Variants in NPHP3 observed in about 807,000 individuals in gnomAD.
The protein encoded by NPHP3 is nephrocystin 3.
A neutral mutation model predicts 171.9 loss-of-function variants in NPHP3; 123 were observed. The ratio of observed to expected loss-of-function variants is 0.72; its 90% CI spans 0.62 to 0.83. The LOEUF is 0.83. Among genes scored for constraint, NPHP3 ranks in the 40% least tolerant of loss-of-function variants. The pLI, the probability that NPHP3 is intolerant of heterozygous loss-of-function variation, is 0.00. For synonymous variants in NPHP3, 558 were observed against 579.2 expected (o/e 0.96, Z 0.52); for missense variants, 1,506 against 1,591.9 (o/e 0.95, Z 0.92).
chr3:132,701,970 G>A (rs572526045), intron 9 of NPHP3, among the ~76,000 whole-genome samples: 1 of 152,286 alleles, frequency 6.6e-6, no homozygotes, highest in East Asian at 1.9e-4. Flanking sequence ...AGCTTGCAGT[G>A]AGCCGAGACA....
chr3:132,680,970 A>G lies in NPHP3; in HGVS notation c.*940T>C, dbSNP rs1237052745. On this transcript the variant is annotated 3_prime_UTR_variant, in exon 27 of 27. Transcript: ENST00000337331. ...TAATGACTTCAGACATTATGCAGAT[A>G]CATATACTATATAGTAATAAATAAT... 1.3e-5 allele frequency: 2 copies of G among 152,218 alleles called. No homozygotes were observed. Among genetic ancestry groups the G allele is most frequent in the Non-Finnish European group, 2.9e-5 (2 of 68,030 alleles). The allele number at this position is 152,218 out of a possible 1,614,324, so 9.4% of individuals were successfully genotyped here. A position where few individuals can be genotyped will look rare whatever the true frequency, so the allele number is the denominator to read the frequency against.
intron 5 of NPHP3, 82 bp downstream of exon 5, chr3:132,715,003 G>GGTTA (rs1940011801): frequency 8.7e-7 from 1 of 1,153,336 alleles, no homozygotes; most frequent in African/African-American, 1.6e-5. Flanking sequence ...CTATTTGGTT[G>GGTTA]AGATACAGTA....
intron 3 of NPHP3, 93 bp downstream of exon 3, chr3:132,718,901 T>C (rs1940128079): frequency 4.7e-6 from 6 of 1,275,532 alleles, no homozygotes; most frequent in South Asian, 2.4e-5. Flanking sequence ...CTAATATAGA[T>C]AAGTAAAAGA....
intron 1 of NPHP3, 45 bp from the exon 2 acceptor site, chr3:132,719,875 T>A: frequency 1.5e-6 from 2 of 1,362,716 alleles, no homozygotes; most frequent in Non-Finnish European, 2.0e-6. Flanking sequence ...ATAGTCTTGC[T>A]CCTCAATTTT....
In NPHP3 at chr3:132,681,454, G is replaced by T; in HGVS notation, c.*456C>A. The T allele has an allele frequency of 5.5e-6, 1 of 180,716 alleles. No individual in the cohort carries two copies. The highest frequency in any genetic ancestry group is 1.1e-4 in the South Asian group (1 of 8,914). 11.2% of individuals were successfully genotyped at this position (180,716 alleles called of 1,614,324 possible). On this transcript the variant is annotated 3_prime_UTR_variant, in exon 27 of 27. Coordinates refer to ENST00000337331, the MANE Select transcript of NPHP3 (RefSeq NM_153240.5). ...AATTTTTTTTTGTATTTTTAGTAGA[G>T]ACAGGGTTTCACCATGTTGGCCAGG...
intron 19 of NPHP3, among the ~76,000 whole-genome samples, chr3:132,690,036 T>C (rs1202063496): frequency 6.6e-6 from 1 of 152,198 alleles, no homozygotes; most frequent in Admixed American, 6.5e-5. Context: ...ACTGACAAAC[T>C]ATAACATATC....
chr3:132,684,446 G>T, intron 24 of NPHP3, 108 bp downstream of exon 24: 1 of 1,067,180 alleles, frequency 9.4e-7, no homozygotes. Context: ...GATTTTTAAA[G>T]CTCATATAAA....
intron 22 of NPHP3, 126 bp downstream of exon 22, chr3:132,687,021 TTAAG>T: frequency 1.7e-6 from 1 of 598,078 alleles, no homozygotes; most frequent in Non-Finnish European, 3.0e-6. Context: ...TAAGAAAATG[TTAAG>T]TAGTTCTCTT....
intron 22 of NPHP3, 61 bp from the exon 23 acceptor site, chr3:132,686,448 A>G (rs768770659): frequency 1.7e-4 from 270 of 1,604,424 alleles, no homozygotes; most frequent in Non-Finnish European, 2.1e-4. Context: ...TGATTCTGAA[A>G]CAATATATGA....
At position 132,722,148 on chromosome 3, in the gene NPHP3, G is replaced by T. The variant is rs765533675; in HGVS notation, c.208C>A (p.Leu70Met). 3 of 1,589,786 alleles carry T rather than the reference G, an allele frequency of 1.9e-6. No homozygotes were observed. Residue 70 changes from leucine (L) to methionine (M), a missense_variant, in exon 1 of 27, where the codon CTG becomes ATG. This residue lies in a region of NPHP3 where 930 missense variants were observed against 924.9 expected (regional missense o/e 1.01). Coordinates refer to ENST00000337331, the MANE Select transcript of NPHP3 (RefSeq NM_153240.5). ...CCAGTGGACTTGAAGCTGGCCCCCA[G>T]CAGCCCGCCCGCGCCCACCCCGCGG... ...LPRGVGAGGL[L>M]GASFKSTGSS...
intron 19 of NPHP3, 72 bp from the exon 20 acceptor site, chr3:132,689,335 A>G: frequency 6.7e-7 from 1 of 1,487,790 alleles, no homozygotes; most frequent in Non-Finnish European, 9.4e-7. Context: ...AAACTCCAGA[A>G]TTAATATCAA....
chr3:132,714,895 T>C (rs1416424580), intron 5 of NPHP3, among the ~76,000 whole-genome samples, 190 bp downstream of exon 5: 1 of 152,204 alleles, frequency 6.6e-6, no homozygotes, highest in Non-Finnish European at 1.5e-5. Context: ...AAACTCTCAA[T>C]TCACCACCTT....
intron 10 of NPHP3, among the ~76,000 whole-genome samples, chr3:132,701,130 T>A (rs1279438021): frequency 2.0e-5 from 3 of 152,174 alleles, no homozygotes; most frequent in Non-Finnish European, 4.4e-5. Context: ...CTTAATAACA[T>A]GTGTTATATG....
chr3:132,696,861 C>G, intron 14 of NPHP3, 48 bp from the exon 15 acceptor site: 1 of 1,486,550 alleles, frequency 6.7e-7, no homozygotes, highest in South Asian at 1.1e-5. Flanking sequence ...AAAAACCACC[C>G]TGGAATTAAG....
At chr3:132,691,381 A>G in intron 17 of NPHP3, 95 bp from the exon 18 acceptor site, 1 of 839,400 alleles carries the variant, frequency 1.2e-6, no homozygotes, top group Non-Finnish European at 2.1e-6. Flanking sequence ...AATTATTCCT[A>G]TTTTATAGCT....
chr3:132,713,144 A>G lies in NPHP3; in HGVS notation c.1100T>C (p.Ile367Thr). The change falls in exon 6 of 27, where the codon ATT becomes ACT. Residue 367 changes from isoleucine to threonine, a missense_variant. Physicochemically the swap from Ile to Thr is moderately conservative, Grantham distance 89 (BLOSUM62 -1). Around this residue, in one of 3 missense-constraint regions of NPHP3, gnomAD observed 930 missense variants for 924.9 expected, o/e 1.01. Coordinates refer to ENST00000337331, the MANE Select transcript of NPHP3 (RefSeq NM_153240.5). ...AGCTTACCTTGGTAATGTTAAGTGA[A>G]TAAATAAAATAACTAAAGAACTTTT... ...IEKSSLVILF[I>T]HLTLPSLLLE... The G allele has an allele frequency of 6.8e-7, 1 of 1,469,948 alleles. No individual in the cohort carries two copies. The highest frequency in any genetic ancestry group is 2.3e-5 in the East Asian group (1 of 43,550). 91.1% of individuals were successfully genotyped at this position (1,469,948 alleles called of 1,614,324 possible).
At position 132,689,185 on chromosome 3, in the gene NPHP3, A is replaced by G; in HGVS notation, c.2772T>C (p.Asp924=). 6.2e-7 allele frequency: 1 copy of G among 1,614,154 alleles called. No homozygotes were observed. The highest frequency in any genetic ancestry group is 8.5e-7 in the Non-Finnish European group (1 of 1,179,998). ...DKSAMATEYF[D]SLKQYEKNCE... Reference sequence around the variant, plus strand: ...AGTTTTTCTCATACTGCTTCAATGAATCGAAGTATTCTGTTGCCATTGCAC... The same window carrying G: ...AGTTTTTCTCATACTGCTTCAATGAGTCGAAGTATTCTGTTGCCATTGCAC... Residue 924 remains aspartate, a synonymous_variant, in exon 20 of 27, where the codon GAT becomes GAC. Transcript: ENST00000337331.
chr3:132,719,145 C>A lies in NPHP3; in HGVS notation c.520-1G>T, dbSNP rs759262253. The A allele has an allele frequency of 3.1e-6, 5 of 1,598,450 alleles. No individual in the cohort carries two copies. Among genetic ancestry groups the A allele is most frequent in the Non-Finnish European group, 4.3e-6 (5 of 1,174,012 alleles). ...CATTTTCTTTGGTCTCCCTAAAAAT[C>A]TTTAAAAAGAATAATTTTAATGTTG... On this transcript the variant is annotated splice_acceptor_variant, in intron 2 of 26. Transcript: ENST00000337331. LOFTEE classifies it high-confidence loss of function.
rs372374369 is a variant in NPHP3, at chr3:132,708,263, T to C, written c.1119-6A>G. The C allele has an allele frequency of 1.8e-5, 29 of 1,613,520 alleles. No individual in the cohort carries two copies. Among genetic ancestry groups the C allele is most frequent in the South Asian group, 3.3e-5 (3 of 91,062 alleles). ...CACAGTCTTCCAATAAAAGGCTAGA[T>C]TGGAAATCAGCATTTTGTGTGCTAT... On this transcript the variant is annotated splice_region_variant and splice_polypyrimidine_tract_variant and intron_variant, in intron 6 of 26. Coordinates refer to ENST00000337331, the MANE Select transcript of NPHP3 (RefSeq NM_153240.5).
Sources: allele counts gnomAD v4.1 joint callset (sites outside exome capture counted in the v4.1 genomes callset), GRCh38; gene constraint gnomAD v4.1.1; regional missense constraint gnomAD v4.1.1; transcripts MANE v1.5; gene names NCBI Gene and HGNC (gene_info 2026-07-23, HGNC 2026-07-21).